CLEC12A: variants seen among roughly 807,000 people sequenced by gnomAD.
CLEC12A encodes C-type lectin domain family 12 member A, also known as C-type lectin protein CLL-1.
A neutral mutation model predicts 26.5 loss-of-function variants in CLEC12A; 22 were observed. That is an observed-to-expected ratio of 0.83 (90% CI 0.59 to 1.19). The LOEUF is 1.19. Among genes scored for constraint, CLEC12A ranks in the 50% most tolerant of loss-of-function variants. The pLI is 0.00. For synonymous variants in CLEC12A, 119 were observed against 101.9 expected (o/e 1.17, Z -1.01); for missense variants, 353 against 315.6 (o/e 1.12, Z -0.90).
intron 1 of CLEC12A, among the ~76,000 whole-genome samples, chr12:9,959,312 C>T (rs935915251): frequency 2.0e-5 from 3 of 151,992 alleles, no homozygotes; most frequent in African/African-American, 4.8e-5. Context: ...ATTAGCTGGG[C>T]GTGGTGGCGG....
At chr12:9,997,057 T>C, downstream of CLEC12A, 1 of 1,610,432 alleles carries the variant, frequency 6.2e-7, no homozygotes, top group Non-Finnish European at 8.5e-7. Flanking sequence ...TTACATTTTC[T>C]TCACATTCAA....
At chr12:9,971,312 A>C, upstream of CLEC12A, 1 of 735,314 alleles carries the variant, frequency 1.4e-6, no homozygotes, top group Non-Finnish European at 1.7e-6. Flanking sequence ...TAGTTGGTAA[A>C]TATATAGAAA....
intron 4 of CLEC12A, among the ~76,000 whole-genome samples, chr12:9,981,339 C>T (rs1285692324): frequency 1.3e-5 from 2 of 152,088 alleles, no homozygotes; most frequent in Non-Finnish European, 2.9e-5. Context: ...TTCCATGTTA[C>T]ACTTATTACA....
the CLEC12A span, among the ~76,000 whole-genome samples, chr12:10,002,653 A>G: frequency 6.6e-6 from 1 of 151,996 alleles, no homozygotes; most frequent in Non-Finnish European, 1.5e-5. Context: ...CGTGTTAGCC[A>G]GGATGATCTC....
At chr12:9,998,618 G>T (rs560045314), downstream of CLEC12A, among the ~76,000 whole-genome samples, 225 of 119,268 alleles carry the variant, frequency 1.9e-3, no homozygotes, top group African/African-American at 6.9e-3. Context: ...AATATTACTT[G>T]CTGTTAAGGC....
chr12:10,001,213 AC>A, the CLEC12A span, among the ~76,000 whole-genome samples: 1 of 152,202 alleles, frequency 6.6e-6, no homozygotes, highest in Non-Finnish European at 1.5e-5. Flanking sequence ...ATTCTCTAGG[AC>A]TTGAGCAGCT....
chr12:9,994,969 G>C (rs936640640), intron 4 of CLEC12A: 1 of 1,497,264 alleles, frequency 6.7e-7, no homozygotes, highest in Non-Finnish European at 9.0e-7. Context: ...AGTAATGGGA[G>C]AGAGGGGAAA....
upstream of CLEC12A, among the ~76,000 whole-genome samples, chr12:9,968,035 T>C (rs898809798): frequency 1.3e-5 from 2 of 151,890 alleles, no homozygotes; most frequent in Non-Finnish European, 2.9e-5. Context: ...AAGAGAGAGA[T>C]TGAAGGGTGA....
chr12:9,964,350 G>C (rs1863891738), intron 1 of CLEC12A, among the ~76,000 whole-genome samples: 1 of 152,070 alleles, frequency 6.6e-6, no homozygotes, highest in Non-Finnish European at 1.5e-5. Context: ...TTGGAAGAAA[G>C]GGAAATGCAA....
intron 1 of CLEC12A, among the ~76,000 whole-genome samples, chr12:9,974,628 C>T (rs1285480419): frequency 6.6e-6 from 1 of 152,134 alleles, no homozygotes; most frequent in African/African-American, 2.4e-5. Flanking sequence ...CAAGTGTTTT[C>T]TCTGTGCCAG....
downstream of CLEC12A, among the ~76,000 whole-genome samples, chr12:9,998,659 G>GTTTTA (rs1241016496): frequency 6.6e-6 from 1 of 151,592 alleles, no homozygotes; most frequent in Non-Finnish European, 1.5e-5. Flanking sequence ...GTTTTGTTTT[G>GTTTTA]TTTTGTTTTG....
At chr12:9,951,428 A>G (rs1863607072) in intron 1 of CLEC12A, 1 of 702,180 alleles carries the variant, frequency 1.4e-6, no homozygotes, top group Non-Finnish European at 2.6e-6. Context: ...AGGAATTTCC[A>G]TTGGCAAGTT....
rs74608562 is a variant in CLEC12A at position 9,980,185 on chromosome 12, T to C, written c.380-397T>C. Among the ~76,000 whole-genome samples, 501 of 152,244 alleles carry C rather than the reference T, an allele frequency of 3.3e-3. 4 individuals carry two copies. Among genetic ancestry groups the C allele is most frequent in the African/African-American group, 0.012 (485 of 41,532 alleles). Reference sequence around the variant, plus strand: ...AGGAATTGACATAGGAAGACACACTTGAATCCAAGTGCTTAATTTGAAATT... The same window carrying C: ...AGGAATTGACATAGGAAGACACACTCGAATCCAAGTGCTTAATTTGAAATT... On this transcript the variant is annotated intron_variant, in intron 3 of 5. Transcript: ENST00000304361.
At chr12:9,986,423 C>G (rs932461866), downstream of CLEC12A, among the ~76,000 whole-genome samples, 4 of 137,330 alleles carry the variant, frequency 2.9e-5, no homozygotes, top group Non-Finnish European at 4.9e-5. Flanking sequence ...ATCCCCCCCC[C>G]CCTTTTTTTC....
intron 4 of CLEC12A, chr12:9,993,114 A>T (rs1864929614): frequency 6.3e-7 from 1 of 1,588,972 alleles, no homozygotes; most frequent in Non-Finnish European, 8.6e-7. Flanking sequence ...TAAAGCCCTT[A>T]TCTGTGTTAT....
intron 1 of CLEC12A, among the ~76,000 whole-genome samples, chr12:9,972,788 AT>A (rs780362411): frequency 2.0e-5 from 3 of 151,682 alleles, no homozygotes; most frequent in African/African-American, 4.8e-5. Flanking sequence ...TAATACTGAA[AT>A]TTTTTTTTAG....
intron 3 of CLEC12A, 71 bp downstream of exon 3, chr12:9,979,595 T>G: frequency 1.7e-6 from 2 of 1,174,882 alleles, no homozygotes; most frequent in Non-Finnish European, 2.4e-6. Flanking sequence ...AAGAATCATT[T>G]TATAATTAGC....
intron 5 of CLEC12A, 125 bp downstream of exon 5, chr12:9,982,254 T>C (rs1864590304): frequency 1.7e-6 from 1 of 604,548 alleles, no homozygotes; most frequent in Non-Finnish European, 2.9e-6. Context: ...AACCCTTTTC[T>C]ATCATGCTTC....
chr12:9,970,778 C>T (rs1864097877), upstream of CLEC12A, among the ~76,000 whole-genome samples: 1 of 152,104 alleles, frequency 6.6e-6, no homozygotes, highest in Admixed American at 6.5e-5. Flanking sequence ...CAGACCTTGG[C>T]CATCAGTATG....
Sources: allele counts gnomAD v4.1 joint callset (sites outside exome capture counted in the v4.1 genomes callset), GRCh38; gene constraint gnomAD v4.1.1; transcripts MANE v1.5; gene names NCBI Gene and HGNC (gene_info 2026-07-23, HGNC 2026-07-21).